The following CABLES1 variants were observed in gnomAD, a reference collection of about 807,000 sequenced individuals.
CABLES1 encodes the protein Cdk5 and Abl enzyme substrate 1.
Under a neutral mutation model 57.8 loss-of-function variants are expected in CABLES1, and 36 were observed. The ratio of observed to expected loss-of-function variants is 0.62; its 90% CI spans 0.48 to 0.82. CABLES1 has a LOEUF of 0.82. CABLES1 is among the 40% of genes least tolerant of loss of function. The probability of loss-of-function intolerance (pLI) is 0.00; values close to 1 mark genes in which losing one functional copy is unlikely to be tolerated. For synonymous variants in CABLES1, 374 were observed against 363.0 expected (o/e 1.03, Z -0.35); for missense variants, 767 against 836.6 (o/e 0.92, Z 1.03).
At chr18:23,218,237 A>G (rs1263041526) in intron 4 of CABLES1, among the ~76,000 whole-genome samples, 1 of 151,552 alleles carries the variant, frequency 6.6e-6, no homozygotes, top group African/African-American at 2.4e-5. Flanking sequence ...GCTGCACTCA[A>G]GCTTCCCAGC....
chr18:23,213,886 C>A, intron 3 of CABLES1, 91 bp from the exon 4 acceptor site: 1 of 790,910 alleles, frequency 1.3e-6, no homozygotes, highest in Non-Finnish European at 2.1e-6. Context: ...GCTATGAATG[C>A]CATGAATGCT....
intron 1 of CABLES1, among the ~76,000 whole-genome samples, chr18:23,143,338 C>T (rs536778551): frequency 1.3e-5 from 2 of 152,312 alleles, no homozygotes; most frequent in South Asian, 4.1e-4. Flanking sequence ...CTCTCTGACT[C>T]ACCTGGTACA....
At chr18:23,143,950 C>A (rs1273036611) in intron 1 of CABLES1, among the ~76,000 whole-genome samples, 1 of 152,200 alleles carries the variant, frequency 6.6e-6, no homozygotes, top group Non-Finnish European at 1.5e-5. Flanking sequence ...CTGCAACCTC[C>A]CCCGCTCCCA....
chr18:23,207,851 G>A (rs1294825023), intron 3 of CABLES1, among the ~76,000 whole-genome samples: 1 of 152,188 alleles, frequency 6.6e-6, no homozygotes, highest in Non-Finnish European at 1.5e-5. Context: ...TGGAAGTGTG[G>A]TGGTGGAGGT....
At position 23,232,603 on chromosome 18, in the gene CABLES1, C is replaced by T. The variant is rs997341737; in HGVS notation, c.1089-2005C>T. 5.3e-5 allele frequency among the ~76,000 whole-genome samples: 8 copies of T among 152,164 alleles called. No individual in the cohort carries two copies. In the South Asian group the frequency reaches 8.3e-4, roughly 16 times the overall value. On this transcript the variant is annotated intron_variant, in intron 4 of 9. Coordinates refer to ENST00000256925, the MANE Select transcript of CABLES1 (RefSeq NM_001100619.3). ...ATAGCAGCTGCAGCAGTAGGGCAGA[C>T]GGTCTTGTGGGTGTGAACAGAGTTG... is the stretch of plus-strand genomic sequence containing the variant.
chr18:23,185,402 T>A lies in CABLES1; in HGVS notation c.846-3436T>A, dbSNP rs543614074. Among the ~76,000 whole-genome samples, 3 of 152,248 alleles carry A rather than the reference T, an allele frequency of 2.0e-5. No individual in the cohort carries two copies. In the South Asian group the frequency reaches 6.2e-4, roughly 32 times the overall value. On this transcript the variant is annotated intron_variant, in intron 1 of 9. Transcript: ENST00000256925. ...ATGGGACTTCCTGGTGGCCGTCCCA[T>A]GGATCCCCACGTGACTCTCAGCCCC... is the stretch of plus-strand genomic sequence containing the variant.
intron 3 of CABLES1, among the ~76,000 whole-genome samples, chr18:23,199,450 A>G (rs907673705): frequency 6.6e-6 from 1 of 152,234 alleles, no homozygotes; most frequent in Admixed American, 6.5e-5. Context: ...AAACAACCCC[A>G]GTGTCTCAGC....
chr18:23,255,662 C>T (rs1478281141), intron 9 of CABLES1, among the ~76,000 whole-genome samples: 1 of 151,118 alleles, frequency 6.6e-6, no homozygotes, highest in Non-Finnish European at 1.5e-5. Flanking sequence ...CAGACTCAAG[C>T]AATCCTCCCA....
At chr18:23,230,908 A>C (rs2047562973) in intron 4 of CABLES1, among the ~76,000 whole-genome samples, 1 of 152,234 alleles carries the variant, frequency 6.6e-6, no homozygotes, top group Non-Finnish European at 1.5e-5. Flanking sequence ...CCCTCCAGGC[A>C]AAAAGATCTG....
rs774290029 is a variant in CABLES1 at position 23,253,812 on chromosome 18, A to G, written c.1637A>G (p.Glu546Gly). ...GTGGCCATGGCCTTCGTCTACTTTG[A>G]AAAGCTCGCCCTCAAGGGGAAACTC... ...PTVAMAFVYF[E>G]KLALKGKLNK... is the part of the protein sequence containing the mutation. Residue 546 changes from glutamate to glycine, a missense_variant, in exon 9 of 10, where the codon GAA becomes GGA. Physicochemically the swap from Glu to Gly is moderately conservative, Grantham distance 98. This residue lies in a region of CABLES1 where 529 missense variants were observed against 622.8 expected (regional missense o/e 0.85). Transcript: ENST00000256925. 1.9e-6 allele frequency: 3 copies of G among 1,614,112 alleles called. No individual in the cohort carries two copies. The highest frequency in any genetic ancestry group is 3.3e-5 in the Admixed American group (2 of 60,008).
At position 23,250,836 on chromosome 18, in the gene CABLES1, G is replaced by C. The variant is rs183412042; in HGVS notation, c.1447-2124G>C. Among the ~76,000 whole-genome samples, 19 of 152,334 alleles carry C rather than the reference G, an allele frequency of 1.2e-4. No homozygotes were observed. In the East Asian group the frequency reaches 3.7e-3, roughly 29 times the overall value. ...CCAAGTGTTCGAAAACTCTGAACAG[G>C]TCTGGTGGAATTGTTGGAGTTAATA... On this transcript the variant is annotated intron_variant, in intron 7 of 9. Transcript: ENST00000256925.
intron 7 of CABLES1, among the ~76,000 whole-genome samples, chr18:23,252,174 T>G (rs113218343): frequency 3.3e-5 from 5 of 152,078 alleles, no homozygotes; most frequent in Middle Eastern, 3.4e-3. Context: ...GGCAAATTTA[T>G]AGAGACATAA....
intron 3 of CABLES1, among the ~76,000 whole-genome samples, chr18:23,201,329 C>T (rs769327939): frequency 1.3e-5 from 2 of 152,176 alleles, no homozygotes; most frequent in East Asian, 1.9e-4. Context: ...AGGCTGGTGT[C>T]GCCTTTGCAC....
intron 3 of CABLES1, among the ~76,000 whole-genome samples, chr18:23,209,412 C>T (rs899312283): frequency 2.0e-5 from 3 of 152,176 alleles, no homozygotes; most frequent in Non-Finnish European, 4.4e-5. Context: ...TCCAACATGT[C>T]ATTTGGGGAG....
intron 1 of CABLES1, among the ~76,000 whole-genome samples, chr18:23,166,841 AG>A (rs2047046431): frequency 1.3e-5 from 2 of 152,214 alleles, no homozygotes; most frequent in South Asian, 4.1e-4. Context: ...ATGAGTGCAG[AG>A]TGCTCCATTC....
At chr18:23,190,392 GC>G (rs1382804084) in intron 2 of CABLES1, 1 of 152,350 alleles carries the variant, frequency 6.6e-6, no homozygotes, top group East Asian at 1.9e-4. Context: ...GCCACTGTGA[GC>G]CGAAGGAAAC....
chr18:23,236,820 A>G (rs968749265), intron 6 of CABLES1, among the ~76,000 whole-genome samples: 2 of 152,262 alleles, frequency 1.3e-5, no homozygotes, highest in African/African-American at 2.4e-5. Context: ...CTTCGGGGCC[A>G]CACTCTGAGA....
intron 7 of CABLES1, among the ~76,000 whole-genome samples, chr18:23,251,324 G>A (rs991409401): frequency 1.2e-4 from 18 of 152,188 alleles, no homozygotes; most frequent in African/African-American, 4.3e-4. Flanking sequence ...GGTGGCACAT[G>A]CCTGTAGTTC....
chr18:23,250,138 A>G (rs1204742229), intron 7 of CABLES1, among the ~76,000 whole-genome samples: 1 of 152,240 alleles, frequency 6.6e-6, no homozygotes, highest in Non-Finnish European at 1.5e-5. Context: ...CCCCTCCCAC[A>G]GGCACTTCAA....
Sources: gnomAD v4.1 joint callset for allele counts (sites outside exome capture counted in the v4.1 genomes callset) on GRCh38, gnomAD v4.1.1 for gene constraint, gnomAD v4.1.1 regional missense constraint, MANE v1.5 for transcripts, NCBI Gene and HGNC (gene_info 2026-07-23, HGNC 2026-07-21) for gene names.